RIMKLB: variants seen among roughly 807,000 people sequenced by gnomAD.
The protein encoded by RIMKLB is beta-citrylglutamate synthase B.
A neutral mutation model predicts 32.0 loss-of-function variants in RIMKLB; 7 were observed. The observed-to-expected ratio is 0.22, with a 90% confidence interval of 0.12 to 0.41. RIMKLB has a LOEUF of 0.41. RIMKLB is among the 10% of genes least tolerant of loss of function. The pLI, the probability that RIMKLB is intolerant of heterozygous loss-of-function variation, is 1.00. For missense variants in RIMKLB, 289 were observed against 498.7 expected (o/e 0.58, Z 4.00); for synonymous variants, 172 against 185.1 (o/e 0.93, Z 0.57).
At chr12:8,744,097 T>G (rs1947849357) in intron 2 of RIMKLB, among the ~76,000 whole-genome samples, 1 of 151,964 alleles carries the variant, frequency 6.6e-6, no homozygotes, top group South Asian at 2.1e-4. Context: ...AAACCATTCC[T>G]TTTATATCCA....
intron 5 of RIMKLB, among the ~76,000 whole-genome samples, chr12:8,769,371 GGT>G (rs1345816887): frequency 6.6e-6 from 1 of 151,910 alleles, no homozygotes; most frequent in Non-Finnish European, 1.5e-5. Context: ...TATATACTCT[GGT>G]CAGGAGAAAT....
chr12:8,698,472 T>C (rs1375839043), intron 1 of RIMKLB, among the ~76,000 whole-genome samples, 175 bp downstream of exon 1: 1 of 151,510 alleles, frequency 6.6e-6, no homozygotes, highest in African/African-American at 2.4e-5. Flanking sequence ...TGGTCGCCGC[T>C]CCGCGGAGTC....
Position 8,714,341 on chromosome 12 carries a change from C to T in RIMKLB, c.175+300C>T, listed in dbSNP as rs536404412. Among the ~76,000 whole-genome samples, 35 of 152,190 alleles carry T rather than the reference C, an allele frequency of 2.3e-4. 1 individual carries two copies. Among genetic ancestry groups the T allele is most frequent in the Admixed American group, 5.2e-4 (8 of 15,268 alleles). On this transcript the variant is annotated intron_variant, in intron 2 of 5. Transcript: ENST00000535829. Reference sequence around the variant, plus strand: ...GGAGGATCACTTGAACCCACAAGTTCGAGTCCAGCCTGGGCAACATTGTAA... The same window carrying T: ...GGAGGATCACTTGAACCCACAAGTTTGAGTCCAGCCTGGGCAACATTGTAA...
intron 2 of RIMKLB, among the ~76,000 whole-genome samples, chr12:8,745,011 A>G (rs372182092): frequency 1.3e-4 from 19 of 151,432 alleles, no homozygotes; most frequent in African/African-American, 3.9e-4. Flanking sequence ...TCACCTGCCA[A>G]CGGGCCCGGT....
chr12:8,778,155 G>A (rs1950841382), downstream of RIMKLB, among the ~76,000 whole-genome samples: 1 of 152,088 alleles, frequency 6.6e-6, no homozygotes, highest in Non-Finnish European at 1.5e-5. Flanking sequence ...AGCTTTTTCA[G>A]GGGTTGGTGT....
At chr12:8,676,282 T>C in the RIMKLB span, among the ~76,000 whole-genome samples, 1,911 of 149,772 alleles carry the variant, frequency 0.013, 37 homozygotes, top group African/African-American at 0.045. Context: ...CCATGTTACC[T>C]GGGCTGGTCT....
rs186574809 is a variant in RIMKLB, at chr12:8,748,511, G to A, written c.176-1351G>A. Reference sequence around the variant, plus strand: ...TGAAACGTCCCCCACAGACAAGGTGGGATTATTCGTGTGTGTGTGTGTGTG... The same window carrying A: ...TGAAACGTCCCCCACAGACAAGGTGAGATTATTCGTGTGTGTGTGTGTGTG... On this transcript the variant is annotated intron_variant, in intron 2 of 5. Coordinates refer to ENST00000535829, the MANE Select transcript of RIMKLB (RefSeq NM_001297776.2). Among the ~76,000 whole-genome samples the A allele has an allele frequency of 7.1e-5, 9 of 127,234 alleles. 1 individual carries two copies. The highest frequency in any genetic ancestry group is 2.6e-4 in the African/African-American group (9 of 34,216). 83.5% of individuals were successfully genotyped at this position (127,234 alleles called of 152,430 possible).
chr12:8,718,669 ATGTGTGTGTGTGTGTGTGTGTGTGTGTG>A (rs1182850325), intron 2 of RIMKLB, among the ~76,000 whole-genome samples: 2 of 116,128 alleles, frequency 1.7e-5, no homozygotes, highest in Non-Finnish European at 3.7e-5. Flanking sequence ...ATATATATAT[ATGTGTGTGTGTGTGTGTGTGTGTGTGTG>A]TGTGTGTGTG....
chr12:8,711,111 G>A (rs1224868348), intron 1 of RIMKLB, among the ~76,000 whole-genome samples: 1 of 152,062 alleles, frequency 6.6e-6, no homozygotes, highest in Non-Finnish European at 1.5e-5. Context: ...GTGGGCATCT[G>A]TAATCCCAGC....
intron 2 of RIMKLB, among the ~76,000 whole-genome samples, chr12:8,720,506 C>T (rs923031377): frequency 2.6e-5 from 4 of 152,148 alleles, no homozygotes; most frequent in African/African-American, 9.7e-5. Context: ...GCTGAGGATG[C>T]ATTTTAATTC....
At chr12:8,715,465 C>A (rs1432796827) in intron 2 of RIMKLB, among the ~76,000 whole-genome samples, 1 of 152,062 alleles carries the variant, frequency 6.6e-6, no homozygotes, top group African/African-American at 2.4e-5. Context: ...CTCAAGTGAT[C>A]CACCCACCTC....
At chr12:8,719,226 C>A (rs1945191084) in intron 2 of RIMKLB, among the ~76,000 whole-genome samples, 1 of 152,142 alleles carries the variant, frequency 6.6e-6, no homozygotes, top group Admixed American at 6.5e-5. Context: ...ACGTCTTTTC[C>A]TGGCTTGAGA....
intron 1 of RIMKLB, among the ~76,000 whole-genome samples, chr12:8,690,003 C>G (rs7301027): frequency 1 from 151,848 of 152,242 alleles, 75,731 homozygotes; most frequent in Middle Eastern, 1. Context: ...CCTACTTTTG[C>G]CCACTCTATT....
upstream of RIMKLB, among the ~76,000 whole-genome samples, chr12:8,695,666 C>A (rs1490525175): frequency 6.6e-6 from 1 of 150,852 alleles, no homozygotes; most frequent in Non-Finnish European, 1.5e-5. Flanking sequence ...ATGTGTATGG[C>A]ACATAGAAGC....
intron 1 of RIMKLB, chr12:8,700,646 CTG>C (rs1456251416): frequency 6.6e-6 from 1 of 152,186 alleles, no homozygotes; most frequent in Non-Finnish European, 1.5e-5. Flanking sequence ...TTGCTGACAA[CTG>C]TTTTGGGGGC....
chr12:8,726,348 T>C (rs1201074561), intron 2 of RIMKLB, among the ~76,000 whole-genome samples: 1 of 152,260 alleles, frequency 6.6e-6, no homozygotes, highest in Non-Finnish European at 1.5e-5. Flanking sequence ...ATATCTTCTT[T>C]GGTGTGGTGT....
intron 5 of RIMKLB, among the ~76,000 whole-genome samples, chr12:8,755,942 C>T (rs117663385): frequency 6.6e-6 from 1 of 152,046 alleles, no homozygotes; most frequent in African/African-American, 2.4e-5. Flanking sequence ...TCACTTGAGG[C>T]CAGGAGTTCA....
At chr12:8,685,801 G>A (rs1190149285) in intron 1 of RIMKLB, among the ~76,000 whole-genome samples, 2 of 151,076 alleles carry the variant, frequency 1.3e-5, no homozygotes, top group Admixed American at 1.3e-4. Context: ...GTGCCACTAC[G>A]CCCAGCTATT....
intron 2 of RIMKLB, among the ~76,000 whole-genome samples, chr12:8,725,225 G>A (rs1945865561): frequency 6.6e-6 from 1 of 152,144 alleles, no homozygotes; most frequent in South Asian, 2.1e-4. Context: ...TGTAGACTGT[G>A]TGCTAGTTAC....
Sources: allele counts gnomAD v4.1 joint callset (sites outside exome capture counted in the v4.1 genomes callset), GRCh38; gene constraint gnomAD v4.1.1; transcripts MANE v1.5; gene names NCBI Gene and HGNC (gene_info 2026-07-23, HGNC 2026-07-21).